WDFY3: variants seen among roughly 807,000 people sequenced by gnomAD.
The protein encoded by WDFY3 is WD repeat and FYVE domain containing 3.
In WDFY3, 66 loss-of-function variants were observed where a neutral mutation model predicts 409.6. That is an observed-to-expected ratio of 0.16 (90% CI 0.13 to 0.20). WDFY3 has a LOEUF of 0.20. Among genes scored for constraint, WDFY3 ranks in the 10% least tolerant of loss-of-function variants. The pLI is 1.00. For synonymous variants in WDFY3, 1,521 were observed against 1,537.1 expected (o/e 0.99, Z 0.25); for missense variants, 3,031 against 4,298.1 (o/e 0.71, Z 8.24).
chr4:84,741,945 T>C, intron 37 of WDFY3, 24 bp from the exon 38 acceptor site: 1 of 1,555,276 alleles, frequency 6.4e-7, no homozygotes, highest in Non-Finnish European at 8.7e-7. Flanking sequence ...GGAAAAAAAG[T>C]CTAAGAAAAT....
Position 84,678,284 on chromosome 4 carries a change from A to G in WDFY3, c.10148-5T>C, listed in dbSNP as rs1019107419. On this transcript the variant is annotated splice_polypyrimidine_tract_variant and splice_region_variant and intron_variant, in intron 65 of 67. Coordinates refer to ENST00000295888, the MANE Select transcript of WDFY3 (RefSeq NM_014991.6). ...GCTGCCGTTCCCATCGGTACCCTGGAATGGAGAAGTGGAGGACACAACATA... is the reference window on the plus strand; with the variant it reads ...GCTGCCGTTCCCATCGGTACCCTGGGATGGAGAAGTGGAGGACACAACATA... 6.2e-7 allele frequency: 1 copy of G among 1,607,936 alleles called. No homozygotes were observed. Among genetic ancestry groups the G allele is most frequent in the East Asian group, 2.2e-5 (1 of 44,820 alleles).
At chr4:84,756,728 G>A (rs1351100269) in intron 33 of WDFY3, among the ~76,000 whole-genome samples, 198 bp downstream of exon 33, 20 of 151,778 alleles carry the variant, frequency 1.3e-4, no homozygotes, top group Admixed American at 6.6e-5. Flanking sequence ...TTATCATATA[G>A]GAAAAAATTG....
At position 84,683,996 on chromosome 4, in the gene WDFY3, C is replaced by T. The variant is rs769412868; in HGVS notation, c.9673G>A (p.Glu3225Lys). ...ACTATGACGTTCTGCGTGTCCCATT[C>T]GTTCATCTCCGACATGCAGCAGCAG... ...IICCCMSEMN[E>K]WDTQNVIVTG... The change falls in exon 63 of 68, where the codon GAA becomes AAA. Residue 3225 changes from glutamate to lysine, a missense_variant. Transcript: ENST00000295888. The T allele has an allele frequency of 3.7e-6, 6 of 1,613,352 alleles. No individual in the cohort carries two copies. Among genetic ancestry groups the T allele is most frequent in the Non-Finnish European group, 4.2e-6 (5 of 1,179,360 alleles).
At chr4:84,817,027 C>T (rs546719409) in intron 13 of WDFY3, among the ~76,000 whole-genome samples, 10 of 152,178 alleles carry the variant, frequency 6.6e-5, no homozygotes, top group African/African-American at 2.2e-4. Context: ...TATATGCATG[C>T]ATGTGTATAA....
At chr4:84,766,887 A>G (rs1743745664) in intron 30 of WDFY3, among the ~76,000 whole-genome samples, 1 of 152,240 alleles carries the variant, frequency 6.6e-6, no homozygotes. Flanking sequence ...AAATTAGAGA[A>G]GAAACGAAGA....
At chr4:84,915,637 T>C (rs1472560401) in intron 2 of WDFY3, among the ~76,000 whole-genome samples, 4 of 152,192 alleles carry the variant, frequency 2.6e-5, no homozygotes. Context: ...CTTGAGATCT[T>C]TAGTTGTCTA....
At position 84,756,986 on chromosome 4, in the gene WDFY3, C is replaced by G. The variant is rs758729951; in HGVS notation, c.5364G>C (p.Leu1788=). 2 of 1,614,066 alleles carry G rather than the reference C, an allele frequency of 1.2e-6. No homozygotes were observed. Among genetic ancestry groups the G allele is most frequent in the Non-Finnish European group, 1.7e-6 (2 of 1,179,972 alleles). ...GCACACTGACCTGCAGGTTCTCAGG[C>G]AGCTCACTAACTGGCTGCTGCAGAA... The part of the protein sequence containing the change: ...ALFLQQPVSE[L]PENLQVSVPV... Residue 1788 remains leucine (L), a synonymous_variant, in exon 33 of 68, where the codon CTG becomes CTC. Coordinates refer to ENST00000295888, the MANE Select transcript of WDFY3 (RefSeq NM_014991.6).
chr4:84,789,644 C>CACAA (rs1748141265), intron 22 of WDFY3, 82 bp downstream of exon 22: 1 of 1,233,596 alleles, frequency 8.1e-7, no homozygotes, highest in East Asian at 2.4e-5. Flanking sequence ...CACACACACA[C>CACAA]ACACACACAC....
intron 4 of WDFY3, among the ~76,000 whole-genome samples, chr4:84,859,576 T>C (rs954749545): frequency 6.6e-6 from 1 of 152,116 alleles, no homozygotes; most frequent in African/African-American, 2.4e-5. Flanking sequence ...AAAAAAGTTA[T>C]TATTATTATT....
At chr4:84,767,025 A>G (rs1743768358) in intron 30 of WDFY3, among the ~76,000 whole-genome samples, 1 of 152,168 alleles carries the variant, frequency 6.6e-6, no homozygotes, top group African/African-American at 2.4e-5. Flanking sequence ...TCACAGAGGC[A>G]CACCTTTTAA....
Position 84,914,511 on chromosome 4 carries a change from G to A in WDFY3, c.-131-17501C>T, listed in dbSNP as rs1339918696. Among the ~76,000 whole-genome samples, 2 of 152,170 alleles carry A rather than the reference G, an allele frequency of 1.3e-5. 1 individual carries two copies. The highest frequency in any genetic ancestry group is 4.8e-5 in the African/African-American group (2 of 41,438). ...AAAAGTTATACATAAATTTTCGACT[G>A]GAGGGGCACTGGCATCCCTAAGCCC... On this transcript the variant is annotated intron_variant, in intron 2 of 67. Coordinates refer to ENST00000295888, the MANE Select transcript of WDFY3 (RefSeq NM_014991.6).
intron 62 of WDFY3, among the ~76,000 whole-genome samples, chr4:84,687,153 CTTTT>C (rs983188288): frequency 6.6e-6 from 1 of 151,726 alleles, no homozygotes; most frequent in African/African-American, 2.4e-5. Flanking sequence ...CCTTCTTCTT[CTTTT>C]TTTTGAGACT....
In WDFY3 at chr4:84,689,137, C is replaced by T. The variant is rs756387117; in HGVS notation, c.9364-872G>A. On this transcript the variant is annotated intron_variant, in intron 61 of 67. Coordinates refer to ENST00000295888, the MANE Select transcript of WDFY3 (RefSeq NM_014991.6). ...TTTGGGGAAAGCCTTGGGTGTAAAT[C>T]AGTGTAAACTTGGAGGAGAGATTTT... Among the ~76,000 whole-genome samples, 103 of 152,128 alleles carry T rather than the reference C, an allele frequency of 6.8e-4. 1 individual carries two copies. Among genetic ancestry groups the T allele is most frequent in the Admixed American group, 8.5e-4 (13 of 15,278 alleles).
At chr4:84,867,730 C>T (rs1356838239) in intron 3 of WDFY3, among the ~76,000 whole-genome samples, 2 of 152,110 alleles carry the variant, frequency 1.3e-5, no homozygotes, top group East Asian at 1.9e-4. Context: ...TAACTAGCTG[C>T]GTTTGAGTAG....
chr4:84,673,906 T>C (rs1725835793), intron 67 of WDFY3, among the ~76,000 whole-genome samples: 1 of 152,188 alleles, frequency 6.6e-6, no homozygotes. Context: ...CGTGAGCCAC[T>C]GTGCCTGGCC....
At chr4:84,683,128 G>A (rs1727683225) in intron 63 of WDFY3, among the ~76,000 whole-genome samples, 1 of 152,194 alleles carries the variant, frequency 6.6e-6, no homozygotes, top group Non-Finnish European at 1.5e-5. Flanking sequence ...TGGCTAGGGA[G>A]CTATTTTATG....
intron 32 of WDFY3, among the ~76,000 whole-genome samples, chr4:84,763,043 C>G (rs1742969468): frequency 6.6e-6 from 1 of 151,984 alleles, no homozygotes; most frequent in Non-Finnish European, 1.5e-5. Context: ...GATTACATTG[C>G]AAGTCCTAAA....
intron 3 of WDFY3, among the ~76,000 whole-genome samples, chr4:84,868,554 T>A (rs910562686): frequency 6.6e-6 from 1 of 151,898 alleles, no homozygotes; most frequent in Non-Finnish European, 1.5e-5. Context: ...TCATACTATA[T>A]ATACCCTGAG....
chr4:84,849,788 A>G (rs1758630451), intron 5 of WDFY3, 114 bp downstream of exon 5: 1 of 1,422,138 alleles, frequency 7.0e-7, no homozygotes, highest in Non-Finnish European at 9.5e-7. Context: ...GAATGGGTAA[A>G]TGAACTCAAT....
Sources: gnomAD v4.1 joint callset for allele counts (sites outside exome capture counted in the v4.1 genomes callset) on GRCh38, gnomAD v4.1.1 for gene constraint, MANE v1.5 for transcripts, NCBI Gene and HGNC (gene_info 2026-07-23, HGNC 2026-07-21) for gene names.